The following KLHL23 variants were observed in gnomAD, a reference collection of about 807,000 sequenced individuals.
The protein encoded by KLHL23 is kelch like family member 23.
A neutral mutation model predicts 48.9 loss-of-function variants in KLHL23; 33 were observed. That is an observed-to-expected ratio of 0.67 (90% CI 0.51 to 0.90). The LOEUF is 0.90. Ranked by LOEUF, KLHL23 falls within the 40% of genes least tolerant of loss-of-function variation. The pLI is 0.00. For synonymous variants in KLHL23, 234 were observed against 231.6 expected, an observed-to-expected ratio of 1.01 and a Z score of -0.09; for missense variants, 608 against 669.6, an observed-to-expected ratio of 0.91 and a Z score of 1.02.
In KLHL23 at chr2:169,736,011, A is replaced by G. The variant is rs1484107573; in HGVS notation, c.997A>G (p.Ile333Val). The change falls in exon 2 of 4, where the codon ATA becomes GTA. Residue 333 changes from isoleucine (I) to valine (V), a missense_variant. Ile to Val is a conservative substitution (Grantham distance 29). Around this residue, in one of 3 missense-constraint regions of KLHL23, gnomAD observed 419 missense variants for 473.1 expected, o/e 0.89. Transcript: ENST00000392647. ...YVTGGYRTDNIEALDTVWIYN... is the reference protein window; with the variant it reads ...YVTGGYRTDNVEALDTVWIYN... Reference sequence around the variant, plus strand: ...AACTGGGGGCTACAGGACGGATAACATAGAAGCTCTTGACACAGTGTGGAT... The same window carrying G: ...AACTGGGGGCTACAGGACGGATAACGTAGAAGCTCTTGACACAGTGTGGAT... The G allele has an allele frequency of 6.2e-7, 1 of 1,614,228 alleles. No homozygotes were observed. The highest frequency in any genetic ancestry group is 1.1e-5 in the South Asian group (1 of 91,090).
At chr2:169,737,456 G>A (rs1226652642) in intron 2 of KLHL23, among the ~76,000 whole-genome samples, 1 of 152,098 alleles carries the variant, frequency 6.6e-6, no homozygotes, top group Non-Finnish European at 1.5e-5. Context: ...CCGATTCCAG[G>A]AGGGCTCTGA....
Position 169,749,516 on chromosome 2 carries a change from A to G in KLHL23, c.1461A>G (p.Glu487=), listed in dbSNP as rs910732860. Residue 487 remains glutamate (E), a synonymous_variant, in exon 4 of 4, where the codon GAA becomes GAG. Transcript: ENST00000392647. ...ITECYDPEQN[E]WREIAPMMER... Reference sequence around the variant, plus strand: ...AATGCTATGACCCTGAACAAAATGAATGGAGAGAGATAGCTCCCATGATGG... The same window carrying G: ...AATGCTATGACCCTGAACAAAATGAGTGGAGAGAGATAGCTCCCATGATGG... 8 of 1,614,142 alleles carry G rather than the reference A, an allele frequency of 5.0e-6. No individual in the cohort carries two copies. Among genetic ancestry groups the G allele is most frequent in the Middle Eastern group, 1.7e-4 (1 of 6,060 alleles).
intron 2 of KLHL23, among the ~76,000 whole-genome samples, chr2:169,738,155 T>A (rs774176639): frequency 2.0e-5 from 3 of 152,236 alleles, no homozygotes; most frequent in African/African-American, 7.2e-5. Flanking sequence ...CTTGTTTATA[T>A]CTAGTCATCC....
intron 2 of KLHL23, among the ~76,000 whole-genome samples, chr2:169,740,335 C>T (rs1018772474): frequency 6.6e-6 from 1 of 152,052 alleles, no homozygotes; most frequent in Admixed American, 6.6e-5. Flanking sequence ...TGGTCTCAAA[C>T]TCCTCCTGGG....
Position 169,735,246 on chromosome 2 carries a change from A to G in KLHL23, c.232A>G (p.Ile78Val), listed in dbSNP as rs772151387. The G allele has an allele frequency of 1.9e-6, 3 of 1,604,298 alleles. No homozygotes were observed. Among genetic ancestry groups the G allele is most frequent in the South Asian group, 2.3e-5 (2 of 88,202 alleles). The change falls in exon 2 of 4, where the codon ATA becomes GTA. Residue 78 changes from isoleucine (I) to valine (V), a missense_variant. Physicochemically the swap from Ile to Val is conservative, Grantham distance 29. Around this residue, in one of 3 missense-constraint regions of KLHL23, gnomAD observed 419 missense variants for 473.1 expected, o/e 0.89. Coordinates refer to ENST00000392647, the MANE Select transcript of KLHL23 (RefSeq NM_144711.6). The surrounding 1 kb of genome is among the most constrained non-coding windows in gnomAD (Gnocchi z 4.5). ...ADMKEKFKNK[I>V]KLSGIHHDIL... ...CATGAAAGAAAAATTTAAAAATAAAATAAAACTCTCTGGCATCCACCATGA... is the reference window on the plus strand; with the variant it reads ...CATGAAAGAAAAATTTAAAAATAAAGTAAAACTCTCTGGCATCCACCATGA...
intron 3 of KLHL23, among the ~76,000 whole-genome samples, chr2:169,743,740 T>C (rs1688729044): frequency 6.6e-6 from 1 of 152,212 alleles, no homozygotes; most frequent in Non-Finnish European, 1.5e-5. Flanking sequence ...GTCCTTCCAA[T>C]TCTCCTCACG....
At position 169,742,679 on chromosome 2, in the gene KLHL23, G is replaced by A. The variant is rs573496097; in HGVS notation, c.1366+1142G>A. On this transcript the variant is annotated intron_variant, in intron 3 of 3. Coordinates refer to ENST00000392647, the MANE Select transcript of KLHL23 (RefSeq NM_144711.6). ...TAAATCTGGTGCTGCATCTCCATATGCCCAGGCTTTGCATGAGAAGGAACT... is the reference window on the plus strand; with the variant it reads ...TAAATCTGGTGCTGCATCTCCATATACCCAGGCTTTGCATGAGAAGGAACT... Among the ~76,000 whole-genome samples, 7 of 152,238 alleles carry A rather than the reference G, an allele frequency of 4.6e-5. No homozygotes were observed. The East Asian group carries it at 1.2e-3, about 25-fold the overall frequency.
chr2:169,735,240 A>G lies in KLHL23; in HGVS notation c.226A>G (p.Asn76Asp). ...FTADMKEKFKNKIKLSGIHHD... is the reference protein window; with the variant it reads ...FTADMKEKFKDKIKLSGIHHD... ...AGCTGACATGAAAGAAAAATTTAAA[A>G]ATAAAATAAAACTCTCTGGCATCCA... The change falls in exon 2 of 4, where the codon AAT becomes GAT. Residue 76 changes from asparagine (N) to aspartate (D), a missense_variant. Around this residue, in one of 3 missense-constraint regions of KLHL23, gnomAD observed 419 missense variants for 473.1 expected, o/e 0.89. Transcript: ENST00000392647. This position sits in a 1 kb window ranked among gnomAD's most constrained non-coding sequence, Gnocchi z 4.5. 1 of 1,603,226 alleles carries G rather than the reference A, an allele frequency of 6.2e-7. No individual in the cohort carries two copies. Among genetic ancestry groups the G allele is most frequent in the Non-Finnish European group, 8.5e-7 (1 of 1,177,522 alleles).
At position 169,750,139 on chromosome 2, in the gene KLHL23, T is replaced by TGTGTATGTATAC. The variant is rs1688938258; in HGVS notation, c.*407_*408insGTGTATGTATAC. 13 of 137,182 alleles carry TGTGTATGTATAC rather than the reference T, an allele frequency of 9.5e-5. No homozygotes were observed. Among genetic ancestry groups the TGTGTATGTATAC allele is most frequent in the Admixed American group, 1.5e-4 (2 of 13,770 alleles). The allele number at this position is 137,182 out of a possible 1,614,324, so 8.5% of individuals were successfully genotyped here. The stretch of plus-strand genomic sequence containing the variant: ...GTGTATATATATACACATATATACG[T>TGTGTATGTATAC]ATATATGTGTATATATATACACAGT... On this transcript the variant is annotated 3_prime_UTR_variant, in exon 4 of 4. Coordinates refer to ENST00000392647, the MANE Select transcript of KLHL23 (RefSeq NM_144711.6).
At chr2:169,740,168 G>A (rs930311843) in intron 2 of KLHL23, among the ~76,000 whole-genome samples, 3 of 152,036 alleles carry the variant, frequency 2.0e-5, no homozygotes, top group Non-Finnish European at 2.9e-5. Flanking sequence ...GCTGGACTGC[G>A]GTGATGTAAA....
At position 169,750,096 on chromosome 2, in the gene KLHL23, G is replaced by GTATATATACGTTTGTA. The variant is rs1558952641; in HGVS notation, c.*365_*366insATATATACGTTTGTAT. Reference sequence around the variant, plus strand: ...TATACGTATGTATGTATACATATATGTGTATACATATATATGTGTGTATAT... The same window carrying GTATATATACGTTTGTA: ...TATACGTATGTATGTATACATATATGTATATATACGTTTGTATGTATACATATATATGTGTGTATAT... On this transcript the variant is annotated 3_prime_UTR_variant, in exon 4 of 4. Transcript: ENST00000392647. 7 of 103,718 alleles carry GTATATATACGTTTGTA rather than the reference G, an allele frequency of 6.7e-5. 2 individuals carry two copies. Among genetic ancestry groups the GTATATATACGTTTGTA allele is most frequent in the African/African-American group, 2.4e-4 (7 of 29,012 alleles). 6.4% of individuals were successfully genotyped at this position (103,718 alleles called of 1,614,324 possible).
At chr2:169,740,508 G>A (rs1235765239) in intron 2 of KLHL23, among the ~76,000 whole-genome samples, 9 of 148,830 alleles carry the variant, frequency 6.0e-5, no homozygotes, top group Admixed American at 5.3e-4. Flanking sequence ...GAGTGCAGTG[G>A]CACTGTCTTG....
intron 2 of KLHL23, among the ~76,000 whole-genome samples, chr2:169,740,766 T>TAATA (rs1553477017): frequency 0.017 from 2,160 of 125,456 alleles, 101 homozygotes; most frequent in African/African-American, 0.045. Context: ...CTTTTTTATA[T>TAATA]TATATATATA....
chr2:169,741,354 A>G (rs889542610), intron 2 of KLHL23, 31 bp from the exon 3 acceptor site: 5 of 1,584,878 alleles, frequency 3.2e-6, no homozygotes, highest in African/African-American at 1.4e-5. Flanking sequence ...CAAAAGATCA[A>G]TCTAAAGATG....
At chr2:169,748,783 C>G (rs1016668875) in intron 3 of KLHL23, among the ~76,000 whole-genome samples, 7 of 103,390 alleles carry the variant, frequency 6.8e-5, no homozygotes, top group Middle Eastern at 4.2e-3. Flanking sequence ...CCCCCCCCCC[C>G]CCCATATACA....
At chr2:169,746,442 C>T (rs978501885) in intron 3 of KLHL23, among the ~76,000 whole-genome samples, 28 of 152,132 alleles carry the variant, frequency 1.8e-4, no homozygotes, top group African/African-American at 6.3e-4. Flanking sequence ...ACTTTTGAGC[C>T]GTGACAGATG....
In KLHL23 at chr2:169,736,165, A is replaced by T. The variant is rs1298979939; in HGVS notation, c.1151A>T (p.Glu384Val). Reference sequence around the variant, plus strand: ...GGTTACAGAAAAGGGGCTCCAGCAGAAGAGGCTGAGTTCTATGATCCTTTA... The same window carrying T: ...GGTTACAGAAAAGGGGCTCCAGCAGTAGAGGCTGAGTTCTATGATCCTTTA... ...LGGYRKGAPA[E>V]EAEFYDPLKE... The change falls in exon 2 of 4, where the codon GAA becomes GTA. Residue 384 changes from glutamate (E) to valine (V), a missense_variant. Physicochemically the swap from Glu to Val is moderately radical, Grantham distance 121 (BLOSUM62 -2). Around this residue, in one of 3 missense-constraint regions of KLHL23, gnomAD observed 419 missense variants for 473.1 expected, o/e 0.89. Coordinates refer to ENST00000392647, the MANE Select transcript of KLHL23 (RefSeq NM_144711.6). 1 of 1,614,110 alleles carries T rather than the reference A, an allele frequency of 6.2e-7. No individual in the cohort carries two copies. The highest frequency in any genetic ancestry group is 8.5e-7 in the Non-Finnish European group (1 of 1,180,020).
In KLHL23 at chr2:169,735,364, T is replaced by C. The variant is rs1688484952; in HGVS notation, c.350T>C (p.Leu117Pro). The change falls in exon 2 of 4, where the codon CTA (leucine) becomes CCA (proline). Residue 117 changes from leucine (L) to proline (P), a missense_variant. Coordinates refer to ENST00000392647, the MANE Select transcript of KLHL23 (RefSeq NM_144711.6). This position sits in a 1 kb window ranked among gnomAD's most constrained non-coding sequence, Gnocchi z 4.5. ...VQSLLEAADL[L>P]QFLSVKKACE... Reference sequence around the variant, plus strand: ...AGCCTGCTTGAGGCAGCGGATCTGCTACAGTTCCTTTCAGTAAAGAAGGCT... The same window carrying C: ...AGCCTGCTTGAGGCAGCGGATCTGCCACAGTTCCTTTCAGTAAAGAAGGCT... The C allele has an allele frequency of 6.2e-7, 1 of 1,612,864 alleles. No individual in the cohort carries two copies. Among genetic ancestry groups the C allele is most frequent in the Admixed American group, 1.7e-5 (1 of 59,822 alleles).
chr2:169,741,349 G>C (rs749401812), intron 2 of KLHL23, 36 bp from the exon 3 acceptor site: 32 of 1,566,260 alleles, frequency 2.0e-5, no homozygotes, highest in Non-Finnish European at 2.6e-5. Context: ...AAGAACAAAA[G>C]ATCAATCTAA....
Sources: allele counts gnomAD v4.1 joint callset (sites outside exome capture counted in the v4.1 genomes callset), GRCh38; gene constraint gnomAD v4.1.1; regional missense constraint gnomAD v4.1.1; non-coding constraint Gnocchi (gnomAD v3.1); transcripts MANE v1.5; gene names NCBI Gene and HGNC (gene_info 2026-07-23, HGNC 2026-07-21).